The following CACNA1D variants were observed in gnomAD, a reference collection of about 807,000 sequenced individuals.
CACNA1D encodes calcium voltage-gated channel subunit alpha1 D.
CACNA1D carries 55 observed loss-of-function variants against 257.1 expected under a neutral mutation model. The ratio of observed to expected loss-of-function variants is 0.21; its 90% CI spans 0.17 to 0.27. The LOEUF is 0.27. Ranked by LOEUF, CACNA1D falls within the 10% of genes least tolerant of loss-of-function variation. The pLI is 1.00. For missense variants in CACNA1D, 1,876 were observed against 2,784.0 expected (o/e 0.67, Z 7.34); for synonymous variants, 980 against 1,014.9 (o/e 0.97, Z 0.65).
chr3:53,773,659 C>G (rs1294670028), intron 33 of CACNA1D: 1 of 112,274 alleles, frequency 8.9e-6, no homozygotes, highest in East Asian at 2.0e-4. Flanking sequence ...AATGGTAGTG[C>G]TTTTTTCTTT....
intron 39 of CACNA1D, among the ~76,000 whole-genome samples, chr3:53,784,559 C>T (rs1320641307): frequency 1.3e-5 from 2 of 152,188 alleles, no homozygotes; most frequent in African/African-American, 4.8e-5. Context: ...TGCCTCTACT[C>T]TGGAGGCTGA....
At chr3:53,709,085 T>C (rs13074345) in intron 9 of CACNA1D, among the ~76,000 whole-genome samples, 56,354 of 152,136 alleles carry the variant, frequency 0.37, 11,170 homozygotes, top group East Asian at 0.74. Flanking sequence ...GCAGCAGGAA[T>C]AGGGTCTGTT....
chr3:53,587,276 G>A (rs1008898539), intron 3 of CACNA1D, among the ~76,000 whole-genome samples: 4 of 152,140 alleles, frequency 2.6e-5, no homozygotes, highest in African/African-American at 9.7e-5. Flanking sequence ...TGACTGAAGT[G>A]GGAAGATTCG....
intron 3 of CACNA1D, among the ~76,000 whole-genome samples, chr3:53,537,571 G>C (rs920013751): frequency 6.6e-6 from 1 of 152,056 alleles, no homozygotes; most frequent in South Asian, 2.1e-4. Flanking sequence ...TAATTCCTTA[G>C]TGTATATTTG....
At chr3:53,504,358 T>C (rs2090734481) in intron 3 of CACNA1D, among the ~76,000 whole-genome samples, 1 of 152,134 alleles carries the variant, frequency 6.6e-6, no homozygotes, top group Non-Finnish European at 1.5e-5. Flanking sequence ...CCTAGTAAAA[T>C]TATGACTTTT....
intron 3 of CACNA1D, among the ~76,000 whole-genome samples, chr3:53,576,679 A>T (rs1216488504): frequency 1.3e-5 from 2 of 152,112 alleles, no homozygotes. Flanking sequence ...ATGATTCTTG[A>T]ATTTGTCTAA....
chr3:53,526,722 A>T (rs530139763), intron 3 of CACNA1D, among the ~76,000 whole-genome samples: 2 of 152,330 alleles, frequency 1.3e-5, no homozygotes, highest in Non-Finnish European at 2.9e-5. Flanking sequence ...CCGGTTGTAC[A>T]TCTTCACTTT....
At chr3:53,624,844 C>T (rs1009025347) in intron 3 of CACNA1D, among the ~76,000 whole-genome samples, 15 of 152,088 alleles carry the variant, frequency 9.9e-5, no homozygotes, top group African/African-American at 3.4e-4. Flanking sequence ...GGGCAAACAG[C>T]GATGGATACC....
intron 3 of CACNA1D, among the ~76,000 whole-genome samples, chr3:53,546,705 C>T (rs1221841032): frequency 6.6e-6 from 1 of 152,224 alleles, no homozygotes; most frequent in Non-Finnish European, 1.5e-5. Context: ...AACTTACCAG[C>T]ATGGTTCCAT....
chr3:53,655,685 A>C (rs1488391298), intron 4 of CACNA1D, among the ~76,000 whole-genome samples: 1 of 151,848 alleles, frequency 6.6e-6, no homozygotes, highest in Non-Finnish European at 1.5e-5. Flanking sequence ...AAGTTGTTTG[A>C]GTTCCTTATA....
chr3:53,787,457 G>GTGTGTGTGTGTGTA (rs1240179057), intron 40 of CACNA1D, among the ~76,000 whole-genome samples: 1 of 151,654 alleles, frequency 6.6e-6, no homozygotes, highest in Admixed American at 6.6e-5. Context: ...GTGTGTGTAT[G>GTGTGTGTGTGTGTA]TATGTATGTG....
chr3:53,569,697 G>A (rs539018775), intron 3 of CACNA1D, among the ~76,000 whole-genome samples: 1 of 152,278 alleles, frequency 6.6e-6, no homozygotes, highest in South Asian at 2.1e-4. Context: ...TTGATACCAG[G>A]CATTCAACTA....
chr3:53,724,095 C>A, intron 14 of CACNA1D, 96 bp downstream of exon 14: 1 of 1,030,414 alleles, frequency 9.7e-7, no homozygotes, highest in Non-Finnish European at 1.5e-6. Context: ...GACAAAAGGA[C>A]TCCATTTTTG....
chr3:53,659,697 C>T (rs542265737), intron 4 of CACNA1D, among the ~76,000 whole-genome samples: 1 of 152,314 alleles, frequency 6.6e-6, no homozygotes, highest in African/African-American at 2.4e-5. Context: ...TTTGTTTTCT[C>T]GTGTGTAACA....
chr3:53,696,222 C>T (rs999915581), intron 8 of CACNA1D, among the ~76,000 whole-genome samples: 4 of 152,242 alleles, frequency 2.6e-5, no homozygotes, highest in African/African-American at 9.6e-5. Flanking sequence ...CCCACCATCA[C>T]CTCCCAAAAT....
At chr3:53,566,449 C>T (rs572537656) in intron 3 of CACNA1D, among the ~76,000 whole-genome samples, 2 of 152,142 alleles carry the variant, frequency 1.3e-5, no homozygotes, top group East Asian at 1.9e-4. Context: ...TCCTCCCTGA[C>T]CACCCTCTCC....
At chr3:53,713,533 TGTGTGTGTGTGAGA>T (rs2094784999) in intron 9 of CACNA1D, among the ~76,000 whole-genome samples, 1 of 138,062 alleles carries the variant, frequency 7.2e-6, no homozygotes, top group African/African-American at 3.2e-5. Flanking sequence ...TGTGTGTGTG[TGTGTGTGTGTGAGA>T]GATTTGCCTC....
At chr3:53,671,012 T>A (rs1340492437) in intron 7 of CACNA1D, among the ~76,000 whole-genome samples, 1 of 152,204 alleles carries the variant, frequency 6.6e-6, no homozygotes, top group Non-Finnish European at 1.5e-5. Flanking sequence ...CTTAGAGATT[T>A]GGAATCTCCA....
At chr3:53,704,779 A>G (rs1027848324) in intron 9 of CACNA1D, among the ~76,000 whole-genome samples, 1 of 152,284 alleles carries the variant, frequency 6.6e-6, no homozygotes. Context: ...TTCTCAGCAG[A>G]GTGTCTTTCT....
Sources: gnomAD v4.1 joint callset for allele counts (sites outside exome capture counted in the v4.1 genomes callset) on GRCh38, gnomAD v4.1.1 for gene constraint, MANE v1.5 for transcripts, NCBI Gene and HGNC (gene_info 2026-07-23, HGNC 2026-07-21) for gene names.